ANKRD36C: variants seen among roughly 807,000 people sequenced by gnomAD.
ANKRD36C encodes ankyrin repeat domain-containing protein 36C.
In ANKRD36C, 61 loss-of-function variants were observed where a neutral mutation model predicts 276.4. That is an observed-to-expected ratio of 0.22 (90% CI 0.18 to 0.27). The LOEUF (loss-of-function observed/expected upper bound fraction) is 0.27, where lower values mean the gene tolerates loss of function less well. ANKRD36C is among the 10% of genes least tolerant of loss of function. The probability of loss-of-function intolerance (pLI) is 1.00; values close to 1 mark genes in which losing one functional copy is unlikely to be tolerated. For synonymous variants in ANKRD36C, 483 were observed against 680.1 expected (o/e 0.71, Z 4.51); for missense variants, 1,447 against 2,032.3 (o/e 0.71, Z 5.54).
intron 22 of ANKRD36C, among the ~76,000 whole-genome samples, chr2:95,936,478 T>C (rs1677720326): frequency 6.6e-6 from 1 of 152,284 alleles, no homozygotes; most frequent in Non-Finnish European, 1.5e-5. Flanking sequence ...ATTGTTGCTG[T>C]GTGACCCCTA....
intron 63 of ANKRD36C, 124 bp downstream of exon 83, chr2:95,855,142 A>G: frequency 2.2e-5 from 30 of 1,337,278 alleles, no homozygotes; most frequent in Non-Finnish European, 2.8e-5. Context: ...GTTTCTAAGC[A>G]GATATATTTA....
At chr2:95,857,890 T>C (rs1302045473) in intron 61 of ANKRD36C, among the ~76,000 whole-genome samples, 1 of 149,742 alleles carries the variant, frequency 6.7e-6, no homozygotes, top group Admixed American at 6.7e-5. Context: ...TACAATCTGC[T>C]GTCTCTGAAG....
chr2:95,970,951 A>C (rs936132138), intron 6 of ANKRD36C, among the ~76,000 whole-genome samples: 3 of 152,130 alleles, frequency 2.0e-5, no homozygotes, highest in African/African-American at 7.2e-5. Context: ...TATGTGGCAA[A>C]TGTCTATATA....
intron 34 of ANKRD36C, among the ~76,000 whole-genome samples, chr2:95,918,471 T>C (rs1006613948): frequency 7.0e-4 from 106 of 151,674 alleles, no homozygotes; most frequent in Non-Finnish European, 1.0e-3. Flanking sequence ...CATCATGCTC[T>C]TTAACTTGCC....
chr2:95,916,751 C>A (rs1048290049), intron 36 of ANKRD36C, among the ~76,000 whole-genome samples: 1 of 151,644 alleles, frequency 6.6e-6, no homozygotes, highest in Non-Finnish European at 1.5e-5. Flanking sequence ...ATCTCTCACA[C>A]CCATGTGGTG....
chr2:95,981,580 C>A (rs895370663), intron 4 of ANKRD36C, among the ~76,000 whole-genome samples: 3 of 150,342 alleles, frequency 2.0e-5, no homozygotes, highest in African/African-American at 7.3e-5. Flanking sequence ...AACATCAGCA[C>A]CTTTCTCTGT....
chr2:95,910,318 A>G (rs949507921), intron 42 of ANKRD36C, 55 bp downstream of exon 46: 3 of 1,491,578 alleles, frequency 2.0e-6, no homozygotes, highest in Non-Finnish European at 1.8e-6. Context: ...TTTGGAGAAG[A>G]GAACTTCTTA....
At chr2:95,917,901 A>C (rs1677150280) in exon 36 of ANKRD36C, 1 of 1,607,258 alleles carries the variant, frequency 6.2e-7, no homozygotes, top group Admixed American at 1.7e-5. Flanking sequence ...CTATAATCGA[A>C]ACAGAATCTT....
At chr2:95,852,099 T>G in intron 65 of ANKRD36C, 27 bp downstream of exon 85, 1 of 1,592,078 alleles carries the variant, frequency 6.3e-7, no homozygotes, top group South Asian at 1.1e-5. Context: ...ATACTCAAGT[T>G]ATTTTGTGTG....
rs558261768 is a variant in ANKRD36C, at chr2:95,944,481, A to G, written c.1491+146T>C. 1.2e-4 allele frequency: 92 copies of G among 764,584 alleles called. No homozygotes were observed. The East Asian group carries it at 2.2e-3, about 18-fold the overall frequency. 47.4% of individuals were successfully genotyped at this position (764,584 alleles called of 1,614,324 possible). A position where few individuals can be genotyped will look rare whatever the true frequency, so the allele number is the denominator to read the frequency against. On this transcript the variant is annotated intron_variant, in intron 19 of 66. Coordinates refer to ENST00000456556, the Ensembl canonical transcript of ANKRD36C. ...ATCGTTATAAAGACAGGGAGATGGC[A>G]AGTGAATAAAGCATGGGAAAACTAT... is the stretch of plus-strand genomic sequence containing the variant.
chr2:95,990,157 C>T (rs1679108986), intron 1 of ANKRD36C, among the ~76,000 whole-genome samples: 1 of 152,098 alleles, frequency 6.6e-6, no homozygotes, highest in Non-Finnish European at 1.5e-5. Flanking sequence ...TTATTTTGTG[C>T]ATTTAAAGTT....
chr2:95,941,593 A>G (rs1156734773), intron 19 of ANKRD36C, among the ~76,000 whole-genome samples: 3 of 152,282 alleles, frequency 2.0e-5, no homozygotes, highest in Admixed American at 6.5e-5. Context: ...AGCATAGCCA[A>G]TAAGAACTAC....
chr2:95,971,048 T>C (rs1678686807), intron 6 of ANKRD36C, among the ~76,000 whole-genome samples: 1 of 152,204 alleles, frequency 6.6e-6, no homozygotes, highest in Non-Finnish European at 1.5e-5. Context: ...GATGGCTTAA[T>C]TGAATACATT....
chr2:95,894,077 C>T, intron 44 of ANKRD36C: 2 of 327,788 alleles, frequency 6.1e-6, no homozygotes, highest in Admixed American at 4.6e-5. Flanking sequence ...AAAGCAGGTG[C>T]TACATGATCC....
chr2:95,897,505 A>G (rs1318610442), intron 44 of ANKRD36C, 40 bp from the exon 59 acceptor site: 5 of 1,518,394 alleles, frequency 3.3e-6, no homozygotes, highest in Non-Finnish European at 4.4e-6. Context: ...CATATGTAAA[A>G]ATGACAAAAT....
chr2:95,859,096 C>T (rs1018985499), intron 61 of ANKRD36C, among the ~76,000 whole-genome samples: 4 of 151,532 alleles, frequency 2.6e-5, no homozygotes, highest in Non-Finnish European at 5.9e-5. Context: ...TGCACTGGTG[C>T]AATCTCTGCT....
At chr2:95,876,710 G>A (rs576177870) in intron 58 of ANKRD36C, among the ~76,000 whole-genome samples, 198 bp from the exon 79 acceptor site, 2,662 of 146,358 alleles carry the variant, frequency 0.018, 49 homozygotes, top group Non-Finnish European at 0.028. Context: ...AAATTAGCTG[G>A]GCGTGGTGGT....
intron 59 of ANKRD36C, among the ~76,000 whole-genome samples, chr2:95,868,284 A>G (rs1213890836): frequency 6.8e-6 from 1 of 146,174 alleles, no homozygotes; most frequent in Non-Finnish European, 1.5e-5. Flanking sequence ...AAACACCATC[A>G]TCTTTTTTTT....
chr2:95,964,501 C>A (rs1440260627), intron 6 of ANKRD36C, among the ~76,000 whole-genome samples: 1 of 152,070 alleles, frequency 6.6e-6, no homozygotes, highest in Non-Finnish European at 1.5e-5. Flanking sequence ...ATTCTCACCA[C>A]TACTGTATGT....
Sources: gnomAD v4.1 joint callset for allele counts (sites outside exome capture counted in the v4.1 genomes callset) on GRCh38, gnomAD v4.1.1 for gene constraint, MANE v1.5 for transcripts, NCBI Gene and HGNC (gene_info 2026-07-23, HGNC 2026-07-21) for gene names.